TMC7: variants seen among roughly 807,000 people sequenced by gnomAD.
TMC7 encodes the protein transmembrane channel-like protein 7.
TMC7 carries 54 observed loss-of-function variants against 82.9 expected under a neutral mutation model. The ratio of observed to expected loss-of-function variants is 0.65; its 90% CI spans 0.52 to 0.82. The LOEUF (loss-of-function observed/expected upper bound fraction) is 0.82, where lower values mean the gene tolerates loss of function less well. Ranked by LOEUF, TMC7 falls within the 40% of genes least tolerant of loss-of-function variation. The pLI is 0.00. For synonymous variants in TMC7, 350 were observed against 337.9 expected, an observed-to-expected ratio of 1.04 and a Z score of -0.39; for missense variants, 820 against 901.2, an observed-to-expected ratio of 0.91 and a Z score of 1.15.
chr16:19,020,468 T>G (rs1478486549), intron 3 of TMC7, among the ~76,000 whole-genome samples: 1 of 152,214 alleles, frequency 6.6e-6, no homozygotes, highest in Non-Finnish European at 1.5e-5. Flanking sequence ...TAACAAGGTT[T>G]ATTGTTAATG....
At chr16:19,002,555 T>A (rs1004493323) in intron 1 of TMC7, among the ~76,000 whole-genome samples, 1 of 152,194 alleles carries the variant, frequency 6.6e-6, no homozygotes, top group Non-Finnish European at 1.5e-5. Flanking sequence ...GGGCCTTCTG[T>A]GAGCAAGACA....
intron 1 of TMC7, among the ~76,000 whole-genome samples, chr16:18,988,503 C>T (rs549200104): frequency 6.6e-6 from 1 of 152,120 alleles, no homozygotes; most frequent in Admixed American, 6.5e-5. Context: ...GTTGTCCAGG[C>T]TGGTCCCAAA....
chr16:19,034,614 GTAAA>G (rs71374450), intron 6 of TMC7, among the ~76,000 whole-genome samples: 5,653 of 150,150 alleles, frequency 0.038, 350 homozygotes, highest in African/African-American at 0.13. Context: ...AAATAAATAA[GTAAA>G]TAAATAAATA....
At chr16:19,059,354 A>G (rs184620275) in intron 14 of TMC7, 62 bp from the exon 15 acceptor site, 2 of 1,579,332 alleles carry the variant, frequency 1.3e-6, no homozygotes, top group African/African-American at 1.4e-5. Context: ...ATGTTGGGTT[A>G]TTTTTCTATT....
rs773139379 is a variant in TMC7, at chr16:19,016,545, G to A, written c.407G>A (p.Arg136Gln). The change falls in exon 3 of 16, where the codon CGA becomes CAA. Residue 136 changes from arginine (R) to glutamine (Q), a missense_variant. By Grantham distance (43) the Arg-to-Gln change is conservative. Transcript: ENST00000304381. ...TGGAAGAGGTTCCTAGAGAAGGCTC[G>A]AGAGATGACGACCCACCTGGAGCTG... ...KSWKRFLEKA[R>Q]EMTTHLELWR... The A allele has an allele frequency of 1.0e-4, 167 of 1,614,156 alleles. No homozygotes were observed. In the South Asian group the frequency reaches 1.1e-3, roughly 11 times the overall value.
intron 13 of TMC7, among the ~76,000 whole-genome samples, chr16:19,056,073 A>G (rs1457371029): frequency 6.7e-6 from 1 of 149,038 alleles, no homozygotes; most frequent in Non-Finnish European, 1.5e-5. Context: ...CAGGGTAAGC[A>G]TTTTCTTTCT....
chr16:19,010,130 T>TTCTCTCC (rs2039314596), intron 2 of TMC7, among the ~76,000 whole-genome samples: 1 of 74,062 alleles, frequency 1.4e-5, no homozygotes, highest in Non-Finnish European at 2.7e-5. Context: ...TTCCCCTCTC[T>TTCTCTCC]CCTCTCCCCT....
chr16:19,030,274 G>A lies in TMC7; in HGVS notation c.762G>A (p.Gly254=). ...SLFYGHYTID[G]VKFQNFTYDL... ...TTTACGGACATTACACCATTGATGG[G>A]GTGAAATTTCAGAACTTCACCTATG... The change falls in exon 6 of 16, where the codon GGG becomes GGA. Residue 254 remains glycine (G), a synonymous_variant. Coordinates refer to ENST00000304381, the MANE Select transcript of TMC7 (RefSeq NM_024847.4). 6.2e-7 allele frequency: 1 copy of A among 1,613,356 alleles called. No individual in the cohort carries two copies.
chr16:19,023,172 A>G lies in TMC7; in HGVS notation c.688A>G (p.Ile230Val). ...TGGACTCATTTACTTTTACAGTTAT[A>G]TCATAGACTTGCTTTCTGGCACTGT... is the stretch of plus-strand genomic sequence containing the variant. ...SSGLIYFYSYIIDLLSGTGFL... is the reference protein window; with the variant it reads ...SSGLIYFYSYVIDLLSGTGFL... The change falls in exon 5 of 16, where the codon ATC (isoleucine) becomes GTC (valine). Residue 230 changes from isoleucine to valine, a missense_variant. Coordinates refer to ENST00000304381, the MANE Select transcript of TMC7 (RefSeq NM_024847.4). 6.2e-7 allele frequency: 1 copy of G among 1,606,334 alleles called. No homozygotes were observed. Among genetic ancestry groups the G allele is most frequent in the Non-Finnish European group, 8.5e-7 (1 of 1,173,692 alleles).
chr16:19,009,769 G>A (rs1407918444), intron 2 of TMC7, among the ~76,000 whole-genome samples: 1 of 151,558 alleles, frequency 6.6e-6, no homozygotes, highest in Non-Finnish European at 1.5e-5. Context: ...GTGAAACCTC[G>A]TCTCTACTAG....
intron 8 of TMC7, 110 bp from the exon 9 acceptor site, chr16:19,040,179 A>T: frequency 1.1e-6 from 1 of 896,134 alleles, no homozygotes; most frequent in Non-Finnish European, 1.7e-6. Flanking sequence ...GTTGAATGAC[A>T]AATACGTTTT....
chr16:19,008,712 T>A (rs2039283775), intron 1 of TMC7, among the ~76,000 whole-genome samples: 1 of 152,190 alleles, frequency 6.6e-6, no homozygotes, highest in Non-Finnish European at 1.5e-5. Flanking sequence ...ATGCTATTAT[T>A]ATTGTTGCTG....
Position 19,051,678 on chromosome 16 carries a change from C to T in TMC7, c.1741-8C>T. On this transcript the variant is annotated splice_polypyrimidine_tract_variant and splice_region_variant and intron_variant, in intron 12 of 15. Coordinates refer to ENST00000304381, the MANE Select transcript of TMC7 (RefSeq NM_024847.4). ...GATCTTAATTTTTCTTTCTTTTTCT[C>T]CTTGTAGTGGAGTCTGCTTTACACC... The T allele has an allele frequency of 6.2e-7, 1 of 1,612,586 alleles. No individual in the cohort carries two copies. Among genetic ancestry groups the T allele is most frequent in the South Asian group, 1.1e-5 (1 of 90,930 alleles).
At chr16:19,034,741 A>G (rs1164014940) in intron 6 of TMC7, among the ~76,000 whole-genome samples, 1 of 152,156 alleles carries the variant, frequency 6.6e-6, no homozygotes, top group Non-Finnish European at 1.5e-5. Context: ...GAGATCAGCC[A>G]TAGGGAGGGT....
intron 1 of TMC7, among the ~76,000 whole-genome samples, chr16:18,988,159 T>C (rs1033334098): frequency 7.0e-6 from 1 of 143,726 alleles, no homozygotes; most frequent in African/African-American, 2.6e-5. Context: ...TCTCTTTCTT[T>C]TTTTTTTTTT....
In TMC7 at chr16:18,996,785, A is replaced by G. The variant is rs1444509658; in HGVS notation, c.68-12387A>G. ...CGTCTCCGCAATTGACTTGCCACCA[A>G]GGGAATGTGGGTGAATGACCAAGGC... On this transcript the variant is annotated intron_variant, in intron 1 of 15. Transcript: ENST00000304381. 5.3e-5 allele frequency among the ~76,000 whole-genome samples: 8 copies of G among 152,228 alleles called. No individual in the cohort carries two copies. In the East Asian group the frequency reaches 1.5e-3, roughly 29 times the overall value.
At chr16:18,990,531 T>A (rs1166333747) in intron 1 of TMC7, among the ~76,000 whole-genome samples, 2 of 152,132 alleles carry the variant, frequency 1.3e-5, no homozygotes, top group African/African-American at 4.8e-5. Context: ...CTGTCTCACG[T>A]GTCCGTGTGA....
intron 5 of TMC7, 23 bp from the exon 6 acceptor site, chr16:19,030,201 T>A: frequency 6.2e-7 from 1 of 1,605,034 alleles, no homozygotes; most frequent in East Asian, 2.2e-5. Flanking sequence ...CAGTCTGACT[T>A]CATGCTCTTG....
chr16:18,989,648 G>T (rs1242076797), intron 1 of TMC7, among the ~76,000 whole-genome samples: 1 of 134,130 alleles, frequency 7.5e-6, no homozygotes, highest in African/African-American at 2.6e-5. Flanking sequence ...GGCAGGTAGG[G>T]TCTCTGCTTT....
Sources: allele counts gnomAD v4.1 joint callset (sites outside exome capture counted in the v4.1 genomes callset), GRCh38; gene constraint gnomAD v4.1.1; transcripts MANE v1.5; gene names NCBI Gene and HGNC (gene_info 2026-07-23, HGNC 2026-07-21).